ROR1: variants seen among roughly 807,000 people sequenced by gnomAD.
ROR1 encodes the protein inactive tyrosine-protein kinase transmembrane receptor ROR1.
In ROR1, 19 loss-of-function variants were observed where a neutral mutation model predicts 78.8. That is an observed-to-expected ratio of 0.24 (90% CI 0.17 to 0.35). The LOEUF (loss-of-function observed/expected upper bound fraction) is 0.35, where lower values mean the gene tolerates loss of function less well. Ranked by LOEUF, ROR1 falls within the 10% of genes least tolerant of loss-of-function variation. ROR1 has a pLI of 1.00. For synonymous variants in ROR1, 386 were observed against 433.6 expected, an observed-to-expected ratio of 0.89 and a Z score of 1.36; for missense variants, 917 against 1,177.8, an observed-to-expected ratio of 0.78 and a Z score of 3.24.
chr1:63,949,958 C>T (rs577067298), intron 1 of ROR1, among the ~76,000 whole-genome samples: 1 of 152,214 alleles, frequency 6.6e-6, no homozygotes, highest in African/African-American at 2.4e-5. Context: ...TCTTGACCTT[C>T]GTTTTGTAAG....
intron 4 of ROR1, among the ~76,000 whole-genome samples, chr1:64,120,494 G>A (rs976221138): frequency 5.3e-5 from 8 of 152,022 alleles, no homozygotes; most frequent in African/African-American, 1.7e-4. Flanking sequence ...ATATGAATGA[G>A]ATATTTTACT....
chr1:63,855,847 C>T (rs528852506), intron 1 of ROR1, among the ~76,000 whole-genome samples: 13 of 151,386 alleles, frequency 8.6e-5, no homozygotes, highest in East Asian at 2.0e-4. Flanking sequence ...TTAGTAGAGA[C>T]GGCGTTTCAC....
chr1:63,868,019 C>A (rs530464882), intron 1 of ROR1, among the ~76,000 whole-genome samples: 1 of 152,168 alleles, frequency 6.6e-6, no homozygotes, highest in South Asian at 2.1e-4. Context: ...AGATCCCAGG[C>A]GTGGCTGGAG....
chr1:63,980,833 T>G (rs1462443729), intron 1 of ROR1, among the ~76,000 whole-genome samples: 2 of 152,214 alleles, frequency 1.3e-5, no homozygotes, highest in African/African-American at 2.4e-5. Flanking sequence ...CACTTGCCCC[T>G]CCAAGGGCAC....
chr1:64,088,247 AGGGATCAT>A (rs1249203800), intron 4 of ROR1, among the ~76,000 whole-genome samples: 2 of 152,202 alleles, frequency 1.3e-5, no homozygotes, highest in Admixed American at 6.5e-5. Flanking sequence ...CTTCTCATAA[AGGGATCAT>A]GGATATTATT....
chr1:63,992,674 A>G (rs555672033), intron 1 of ROR1, among the ~76,000 whole-genome samples: 15 of 152,354 alleles, frequency 9.8e-5, no homozygotes, highest in Non-Finnish European at 2.1e-4. Flanking sequence ...TCTTTTTAGC[A>G]GTGACATTTG....
chr1:64,151,179 G>A (rs1490022881), intron 7 of ROR1, among the ~76,000 whole-genome samples: 1 of 152,164 alleles, frequency 6.6e-6, no homozygotes, highest in East Asian at 1.9e-4. Context: ...CGAGACCTGG[G>A]GCTAACATGA....
At chr1:64,070,649 G>A (rs1646996194) in intron 4 of ROR1, among the ~76,000 whole-genome samples, 1 of 152,098 alleles carries the variant, frequency 6.6e-6, no homozygotes, top group Non-Finnish European at 1.5e-5. Context: ...CTGCAAAATG[G>A]AAATGATATT....
chr1:63,929,164 T>A (rs1398727734), intron 1 of ROR1, among the ~76,000 whole-genome samples: 1 of 152,212 alleles, frequency 6.6e-6, no homozygotes, highest in African/African-American at 2.4e-5. Flanking sequence ...CTTTTCTTGT[T>A]TAATATAATG....
At chr1:64,027,423 A>G (rs544648816) in intron 2 of ROR1, among the ~76,000 whole-genome samples, 58 of 152,280 alleles carry the variant, frequency 3.8e-4, no homozygotes, top group Non-Finnish European at 6.5e-4. Flanking sequence ...ACATCAACTT[A>G]TTAACTTATT....
chr1:63,864,686 C>A (rs1304780929), intron 1 of ROR1, among the ~76,000 whole-genome samples: 1 of 152,028 alleles, frequency 6.6e-6, no homozygotes, highest in Non-Finnish European at 1.5e-5. Context: ...GCTATAGGAT[C>A]TTGGAAGAAC....
In ROR1 at chr1:64,135,896, A is replaced by C. The variant is rs543386072; in HGVS notation, c.483-1473A>C. On this transcript the variant is annotated intron_variant, in intron 4 of 8. Coordinates refer to ENST00000371079, the MANE Select transcript of ROR1 (RefSeq NM_005012.4). Reference sequence around the variant, plus strand: ...TAAAATGATTCTTTTAATGAATGGGAGTAGAGAGAAGCAGAAAATTAGTGT... The same window carrying C: ...TAAAATGATTCTTTTAATGAATGGGCGTAGAGAGAAGCAGAAAATTAGTGT... 7.2e-4 allele frequency among the ~76,000 whole-genome samples: 109 copies of C among 152,206 alleles called. 3 individuals are homozygous for C. Among genetic ancestry groups the C allele is most frequent in the Middle Eastern group, 3.4e-3 (1 of 294 alleles).
chr1:63,957,731 T>G (rs1645994894), intron 1 of ROR1, among the ~76,000 whole-genome samples: 1 of 151,426 alleles, frequency 6.6e-6, no homozygotes, highest in Non-Finnish European at 1.5e-5. Flanking sequence ...TAACCCTTTT[T>G]TTGTTTGTTT....
chr1:63,792,976 A>T (rs1007111699), intron 1 of ROR1, among the ~76,000 whole-genome samples: 3 of 152,258 alleles, frequency 2.0e-5, no homozygotes, highest in Non-Finnish European at 4.4e-5. Flanking sequence ...CTCTTCCACA[A>T]TACCAGACAA....
chr1:64,095,148 C>A (rs1411610815), intron 4 of ROR1: 4 of 152,118 alleles, frequency 2.6e-5, no homozygotes, highest in South Asian at 2.1e-4. Context: ...GGTACAGTAT[C>A]CAGAGAAAGC....
At chr1:63,931,660 A>G (rs1057489279) in intron 1 of ROR1, among the ~76,000 whole-genome samples, 1 of 152,142 alleles carries the variant, frequency 6.6e-6, no homozygotes, top group African/African-American at 2.4e-5. Context: ...CTGCGTATCT[A>G]AGCTGTCTAC....
intron 4 of ROR1, among the ~76,000 whole-genome samples, chr1:64,100,233 G>T (rs1213998379): frequency 6.6e-6 from 1 of 151,980 alleles, no homozygotes; most frequent in South Asian, 2.1e-4. Context: ...TGTAATCCCA[G>T]CACTTTGGAA....
intron 4 of ROR1, among the ~76,000 whole-genome samples, chr1:64,076,833 G>T (rs1293730986): frequency 6.6e-6 from 1 of 152,008 alleles, no homozygotes; most frequent in South Asian, 2.1e-4. Context: ...ACAAATTTTG[G>T]TTAACATATC....
chr1:63,844,630 C>A (rs968981618), intron 1 of ROR1, among the ~76,000 whole-genome samples: 1 of 152,158 alleles, frequency 6.6e-6, no homozygotes, highest in Non-Finnish European at 1.5e-5. Context: ...TTAATAATAA[C>A]AGGTTAGAGA....
Sources: allele counts gnomAD v4.1 joint callset (sites outside exome capture counted in the v4.1 genomes callset), GRCh38; gene constraint gnomAD v4.1.1; transcripts MANE v1.5; gene names NCBI Gene and HGNC (gene_info 2026-07-23, HGNC 2026-07-21).